The following DYNC2I2 variants were observed in gnomAD, a reference collection of about 807,000 sequenced individuals.
The protein encoded by DYNC2I2 is cytoplasmic dynein 2 intermediate chain 2.
Under a neutral mutation model 52.0 loss-of-function variants are expected in DYNC2I2, and 39 were observed. The observed-to-expected ratio is 0.75, with a 90% confidence interval of 0.58 to 0.98. DYNC2I2 has a LOEUF of 0.98. Among genes scored for constraint, DYNC2I2 ranks in the 50% least tolerant of loss-of-function variants. DYNC2I2 has a pLI of 0.00. For missense variants in DYNC2I2, 743 were observed against 728.4 expected (o/e 1.02, Z -0.23); for synonymous variants, 359 against 321.1 (o/e 1.12, Z -1.26).
At chr9:128,653,862 T>C (rs1176116185) in intron 1 of DYNC2I2, among the ~76,000 whole-genome samples, 5 of 151,756 alleles carry the variant, frequency 3.3e-5, no homozygotes, top group African/African-American at 9.7e-5. Flanking sequence ...ATACAAAAAA[T>C]TGACCAGGCG....
upstream of DYNC2I2, among the ~76,000 whole-genome samples, chr9:128,660,108 T>A (rs1366426209): frequency 4.0e-5 from 6 of 151,432 alleles, no homozygotes; most frequent in South Asian, 2.1e-4. Context: ...TATTATTATT[T>A]TTATTTTATT....
At chr9:128,655,389 T>C (rs1300736197) in intron 1 of DYNC2I2, among the ~76,000 whole-genome samples, 1 of 125,278 alleles carries the variant, frequency 8.0e-6, no homozygotes, top group Non-Finnish European at 1.6e-5. Context: ...CGGGCGCCTG[T>C]AGTCCCAGCT....
chr9:128,643,864 CG>C (rs954244505), intron 1 of DYNC2I2, among the ~76,000 whole-genome samples: 1 of 152,148 alleles, frequency 6.6e-6, no homozygotes, highest in Non-Finnish European at 1.5e-5. Context: ...CAGCCACCCA[CG>C]GGGAGGCACC....
At chr9:128,677,700 G>A in the DYNC2I2 span, among the ~76,000 whole-genome samples, 11 of 151,674 alleles carry the variant, frequency 7.3e-5, no homozygotes, top group Non-Finnish European at 5.9e-5. Context: ...CCAGCTACTC[G>A]CAAGGCTGAG....
At chr9:128,683,034 G>A in the DYNC2I2 span, among the ~76,000 whole-genome samples, 15 of 149,476 alleles carry the variant, frequency 1.0e-4, no homozygotes, top group African/African-American at 3.7e-4. Flanking sequence ...CCGCTCTGTC[G>A]CCTAGGCTGG....
chr9:128,649,387 G>A (rs140106025), intron 1 of DYNC2I2, among the ~76,000 whole-genome samples: 1 of 152,114 alleles, frequency 6.6e-6, no homozygotes, highest in East Asian at 1.9e-4. Flanking sequence ...GAGGCTGCGT[G>A]AGCTACGATC....
At chr9:128,669,268 G>C in the DYNC2I2 span, among the ~76,000 whole-genome samples, 1 of 152,128 alleles carries the variant, frequency 6.6e-6, no homozygotes, top group Non-Finnish European at 1.5e-5. Context: ...GGGAGGCTGA[G>C]GCAGGAGAAT....
upstream of DYNC2I2, among the ~76,000 whole-genome samples, chr9:128,659,745 C>G: frequency 6.6e-6 from 1 of 151,536 alleles, no homozygotes; most frequent in East Asian, 1.9e-4. Context: ...CCTGTCCTTA[C>G]TAAAAATACA....
intron 2 of DYNC2I2, among the ~76,000 whole-genome samples, chr9:128,638,457 C>A (rs1860453763): frequency 6.6e-6 from 1 of 151,388 alleles, no homozygotes; most frequent in East Asian, 1.9e-4. Flanking sequence ...GCAGAGGTTG[C>A]AGTGAGCCCA....
chr9:128,672,266 G>A, the DYNC2I2 span, among the ~76,000 whole-genome samples: 58 of 151,934 alleles, frequency 3.8e-4, 1 homozygote, highest in East Asian at 8.7e-3. Flanking sequence ...CACCGCGCCC[G>A]GCCAATTTTT....
chr9:128,635,454 A>G (rs1425206123), intron 5 of DYNC2I2, 195 bp from the exon 6 acceptor site: 1 of 796,630 alleles, frequency 1.3e-6, no homozygotes, highest in Non-Finnish European at 1.9e-6. Flanking sequence ...AGCGCTGCTC[A>G]CTCGGTGCCT....
intron 4 of DYNC2I2, 188 bp from the exon 5 acceptor site, chr9:128,635,955 T>C: frequency 1.5e-6 from 1 of 675,938 alleles, no homozygotes; most frequent in Non-Finnish European, 2.6e-6. Context: ...CAGGGAGCTT[T>C]GCCGGACACC....
At position 128,656,803 on chromosome 9, in the gene DYNC2I2, G is replaced by C. The variant is rs1305204142; in HGVS notation, c.-77C>G. 1 of 1,297,226 alleles carries C rather than the reference G, an allele frequency of 7.7e-7. No homozygotes were observed. The highest frequency in any genetic ancestry group is 1.6e-5 in the African/African-American group (1 of 64,282). 80.4% of individuals were successfully genotyped at this position (1,297,226 alleles called of 1,614,324 possible). A position where few individuals can be genotyped will look rare whatever the true frequency, so the allele number is the denominator to read the frequency against. The stretch of plus-strand genomic sequence containing the variant: ...CTACGCCGCCATGAGCGGAAAACGG[G>C]GAATGTGAGGCTGACGGCGCCATGT... On this transcript the variant is annotated 5_prime_UTR_variant, in exon 1 of 9. Coordinates refer to ENST00000372715, the MANE Select transcript of DYNC2I2 (RefSeq NM_052844.4).
chr9:128,645,164 A>C lies in DYNC2I2; in HGVS notation c.187-4225T>G, dbSNP rs1860591003. Among the ~76,000 whole-genome samples the C allele has an allele frequency of 2.7e-5, 4 of 148,418 alleles. 1 individual carries two copies. The South Asian group carries it at 8.6e-4, about 32-fold the overall frequency. ...TCAGGAGTTCAAGACCAGCCTGACC[A>C]ATGTGGTGAAACCCCATCTCTACTA... On this transcript the variant is annotated intron_variant, in intron 1 of 8. Transcript: ENST00000372715.
At chr9:128,679,114 T>C in the DYNC2I2 span, among the ~76,000 whole-genome samples, 1 of 152,088 alleles carries the variant, frequency 6.6e-6, no homozygotes, top group Non-Finnish European at 1.5e-5. Context: ...GGTATTATCA[T>C]CCATTTTACA....
At chr9:128,647,723 C>T (rs1860642169) in intron 1 of DYNC2I2, among the ~76,000 whole-genome samples, 1 of 106,598 alleles carries the variant, frequency 9.4e-6, no homozygotes, top group Non-Finnish European at 1.9e-5. Context: ...CAGAGCAAGA[C>T]TCCATCTCAA....
the DYNC2I2 span, among the ~76,000 whole-genome samples, chr9:128,680,770 G>T: frequency 2.6e-5 from 4 of 152,068 alleles, no homozygotes; most frequent in Admixed American, 2.6e-4. Flanking sequence ...CACCTTCTGG[G>T]TTCAAGTAAT....
At chr9:128,670,369 G>A in the DYNC2I2 span, among the ~76,000 whole-genome samples, 1 of 151,984 alleles carries the variant, frequency 6.6e-6, no homozygotes, top group African/African-American at 2.4e-5. Context: ...GAACCTGGGA[G>A]GCAGAGGTTG....
Position 128,636,354 on chromosome 9 carries a change from C to G in DYNC2I2, c.630G>C (p.Pro210=), listed in dbSNP as rs61744155. The change falls in exon 4 of 9, where the codon CCG becomes CCC. Residue 210 remains proline, a synonymous_variant. Coordinates refer to ENST00000372715, the MANE Select transcript of DYNC2I2 (RefSeq NM_052844.4). ...CGCTGGGGACCTCCACCACGGCCGA[C>G]GGCTGCTGGGGACGCAGGTCTCGCC... ...LDRRDLRPQQ[P]SAVVEVPSAV... is the part of the protein sequence containing the mutation. The G allele has an allele frequency of 6.2e-7, 1 of 1,607,804 alleles. No individual in the cohort carries two copies. Among genetic ancestry groups the G allele is most frequent in the South Asian group, 1.1e-5 (1 of 89,956 alleles).
Sources: gnomAD v4.1 joint callset for allele counts (sites outside exome capture counted in the v4.1 genomes callset) on GRCh38, gnomAD v4.1.1 for gene constraint, MANE v1.5 for transcripts, NCBI Gene and HGNC (gene_info 2026-07-23, HGNC 2026-07-21) for gene names.